The following ITPR2 variants were observed in gnomAD, a reference collection of about 807,000 sequenced individuals.
ITPR2 encodes inositol 1,4,5-trisphosphate-gated calcium channel ITPR2.
ITPR2 carries 207 observed loss-of-function variants against 317.1 expected under a neutral mutation model. The ratio of observed to expected loss-of-function variants is 0.65; its 90% CI spans 0.58 to 0.73. The LOEUF is 0.73. Ranked by LOEUF, ITPR2 falls within the 30% of genes least tolerant of loss-of-function variation. The probability of loss-of-function intolerance (pLI) is 0.00; values close to 1 mark genes in which losing one functional copy is unlikely to be tolerated. For synonymous variants in ITPR2, 1,156 were observed against 1,149.1 expected (o/e 1.01, Z -0.12); for missense variants, 2,613 against 3,284.0 (o/e 0.80, Z 4.99).
At chr12:26,584,970 C>T (rs779755050) in intron 32 of ITPR2, among the ~76,000 whole-genome samples, 7 of 152,232 alleles carry the variant, frequency 4.6e-5, no homozygotes, top group Middle Eastern at 3.4e-3. Context: ...CATTTGCTTT[C>T]TATATCTCCT....
intron 32 of ITPR2, among the ~76,000 whole-genome samples, chr12:26,583,565 GT>G (rs1336728259): frequency 6.6e-6 from 1 of 152,012 alleles, no homozygotes; most frequent in East Asian, 1.9e-4. Flanking sequence ...TTTTATTCTA[GT>G]TTTTAACTCT....
chr12:26,595,738 T>G (rs1163685298), intron 31 of ITPR2, 148 bp from the exon 32 acceptor site: 2 of 693,238 alleles, frequency 2.9e-6, no homozygotes, highest in Non-Finnish European at 4.5e-6. Context: ...CTCATTTCTC[T>G]TCTTTTGCTA....
intron 41 of ITPR2, 30 bp from the exon 42 acceptor site, chr12:26,483,928 G>A: frequency 1.3e-6 from 2 of 1,584,298 alleles, no homozygotes; most frequent in South Asian, 1.1e-5. Context: ...AAATTGAAGG[G>A]TTACAAAAAT....
At chr12:26,829,756 C>G (rs1489351366) in intron 1 of ITPR2, among the ~76,000 whole-genome samples, 1 of 152,140 alleles carries the variant, frequency 6.6e-6, no homozygotes, top group East Asian at 1.9e-4. Flanking sequence ...TGTTCAGAAG[C>G]AAGTACCAGG....
rs560704993 is a variant in ITPR2, at chr12:26,338,040, A to T, written c.*1357T>A. ...GGCGTTGATAACTGAGAATTTAAAG[A>T]CTCTGGAGGCAGTGTTTTGTTCCTG... On this transcript the variant is annotated 3_prime_UTR_variant, in exon 57 of 57. Coordinates refer to ENST00000381340, the MANE Select transcript of ITPR2 (RefSeq NM_002223.4). 1 of 152,142 alleles carries T rather than the reference A, an allele frequency of 6.6e-6. No individual in the cohort carries two copies. The highest frequency in any genetic ancestry group is 2.4e-5 in the African/African-American group (1 of 41,434). 9.4% of individuals were successfully genotyped at this position (152,142 alleles called of 1,614,324 possible). A position where few individuals can be genotyped will look rare whatever the true frequency, so the allele number is the denominator to read the frequency against.
chr12:26,828,549 C>G (rs1256923967), intron 1 of ITPR2, among the ~76,000 whole-genome samples: 1 of 152,198 alleles, frequency 6.6e-6, no homozygotes, highest in Non-Finnish European at 1.5e-5. Flanking sequence ...GGAACAAAAT[C>G]ATGAATCAGT....
intron 2 of ITPR2, among the ~76,000 whole-genome samples, chr12:26,772,558 G>A (rs1246294688): frequency 1.6e-5 from 2 of 125,568 alleles, no homozygotes; most frequent in Non-Finnish European, 1.7e-5. Context: ...TATAATACAT[G>A]TATTATATAT....
intron 55 of ITPR2, among the ~76,000 whole-genome samples, chr12:26,365,631 G>T (rs544933574): frequency 2.2e-4 from 33 of 152,180 alleles, no homozygotes; most frequent in African/African-American, 6.7e-4. Context: ...TGTTTTCTTT[G>T]GAAAATAAAC....
At chr12:26,711,074 T>A (rs747201423) in intron 9 of ITPR2, 99 bp downstream of exon 9, 22 of 726,092 alleles carry the variant, frequency 3.0e-5, no homozygotes, top group Non-Finnish European at 5.2e-5. Flanking sequence ...ATTTGTGTAA[T>A]GACTGTTCCT....
intron 55 of ITPR2, among the ~76,000 whole-genome samples, chr12:26,346,767 C>G (rs7962726): frequency 0.98 from 148,543 of 152,254 alleles, 72,575 homozygotes; most frequent in Non-Finnish European, 1. Context: ...TTTTAGCTTA[C>G]CAAAAAACTA....
chr12:26,482,499 G>A (rs537217009), intron 42 of ITPR2, among the ~76,000 whole-genome samples: 2 of 152,274 alleles, frequency 1.3e-5, no homozygotes, highest in African/African-American at 2.4e-5. Flanking sequence ...TATTATAGAT[G>A]TACAAGTTTT....
At chr12:26,600,200 T>C (rs930263510) in intron 28 of ITPR2, 91 bp from the exon 29 acceptor site, 2 of 1,105,668 alleles carry the variant, frequency 1.8e-6, no homozygotes, top group African/African-American at 3.1e-5. Flanking sequence ...ATACCATTTT[T>C]CTCTCTGCCC....
At chr12:26,783,130 A>C (rs1950125623) in intron 2 of ITPR2, among the ~76,000 whole-genome samples, 1 of 152,198 alleles carries the variant, frequency 6.6e-6, no homozygotes, top group African/African-American at 2.4e-5. Flanking sequence ...ATTTTCCCCC[A>C]AGTCCCTAAT....
chr12:26,686,738 T>G (rs1412864567), intron 10 of ITPR2, 106 bp from the exon 11 acceptor site: 5 of 967,006 alleles, frequency 5.2e-6, no homozygotes, highest in East Asian at 2.6e-5. Flanking sequence ...TTCCTTGGAT[T>G]GAAGAGGTGT....
chr12:26,365,432 C>A (rs1040517773), intron 55 of ITPR2, among the ~76,000 whole-genome samples: 4 of 151,948 alleles, frequency 2.6e-5, no homozygotes, highest in Admixed American at 2.6e-4. Context: ...TACTGTATCC[C>A]CAGACTCATG....
intron 55 of ITPR2, among the ~76,000 whole-genome samples, chr12:26,343,132 G>A (rs2343794): frequency 0.97 from 147,501 of 152,106 alleles, 71,682 homozygotes; most frequent in Non-Finnish European, 1. Flanking sequence ...ACCATGACCT[G>A]AATAACTTTC....
At chr12:26,388,231 TA>T (rs1201534094) in intron 54 of ITPR2, among the ~76,000 whole-genome samples, 1 of 152,146 alleles carries the variant, frequency 6.6e-6, no homozygotes, top group Non-Finnish European at 1.5e-5. Flanking sequence ...AGCACCTAGA[TA>T]ATAAAATTCT....
intron 37 of ITPR2, among the ~76,000 whole-genome samples, chr12:26,534,683 G>C (rs987755635): frequency 6.6e-6 from 1 of 152,166 alleles, no homozygotes; most frequent in African/African-American, 2.4e-5. Flanking sequence ...ATGTTGAACA[G>C]CTAGATTTAA....
Position 26,494,771 on chromosome 12 carries a change from GAAAAAA to G in ITPR2, c.5182+375_5182+380del, listed in dbSNP as rs71069245. ...GGTGACAGAGTGAGACTCTGCCTCA[GAAAAAA>G]AAAAAAAAAAAAAAAAAAGCTTGAG... is the stretch of plus-strand genomic sequence containing the variant. On this transcript the variant is annotated intron_variant, in intron 38 of 56. Coordinates refer to ENST00000381340, the MANE Select transcript of ITPR2 (RefSeq NM_002223.4). 5.0e-3 allele frequency among the ~76,000 whole-genome samples: 252 copies of G among 50,352 alleles called. 1 individual carries two copies. The highest frequency in any genetic ancestry group is 0.022 in the African/African-American group (237 of 10,746). 33.0% of individuals were successfully genotyped at this position (50,352 alleles called of 152,430 possible). A position where few individuals can be genotyped will look rare whatever the true frequency, so the allele number is the denominator to read the frequency against.
Sources: allele counts gnomAD v4.1 joint callset (sites outside exome capture counted in the v4.1 genomes callset), GRCh38; gene constraint gnomAD v4.1.1; transcripts MANE v1.5; gene names NCBI Gene and HGNC (gene_info 2026-07-23, HGNC 2026-07-21).